Variants in HDAC4 observed in about 807,000 individuals in gnomAD.
HDAC4 encodes the protein histone deacetylase A.
A neutral mutation model predicts 135.1 loss-of-function variants in HDAC4; 16 were observed. That is an observed-to-expected ratio of 0.12 (90% CI 0.08 to 0.18). The LOEUF is 0.18. HDAC4 is among the 10% of genes least tolerant of loss of function. The pLI is 1.00. For synonymous variants in HDAC4, 685 were observed against 653.4 expected, an observed-to-expected ratio of 1.05 and a Z score of -0.74; for missense variants, 1,143 against 1,511.8, an observed-to-expected ratio of 0.76 and a Z score of 4.05.
intron 1 of HDAC4, among the ~76,000 whole-genome samples, chr2:239,396,399 T>G (rs745818192): frequency 6.6e-6 from 1 of 152,178 alleles, no homozygotes; most frequent in Non-Finnish European, 1.5e-5. Context: ...TTCCATACAT[T>G]AACTTAAACT....
At chr2:239,129,952 G>C (rs1025057800) in intron 11 of HDAC4, among the ~76,000 whole-genome samples, 3 of 152,176 alleles carry the variant, frequency 2.0e-5, no homozygotes, top group African/African-American at 7.2e-5. Flanking sequence ...CTCAAGTTCC[G>C]GACCCAGTTT....
At chr2:239,316,267 T>C (rs1185295638) in intron 2 of HDAC4, among the ~76,000 whole-genome samples, 2 of 152,154 alleles carry the variant, frequency 1.3e-5, no homozygotes, top group African/African-American at 4.8e-5. Context: ...AATCTACTTA[T>C]CTTTTGATAG....
Position 239,108,286 on chromosome 2 carries a change from G to T in HDAC4, c.1979-103C>A, listed in dbSNP as rs1471258650. ...TGGTGGCGGAACCACCACTTCCCTA[G>T]AAGGAGACGGAAGCTGGGACGGTTC... On this transcript the variant is annotated intron_variant, in intron 14 of 26. Transcript: ENST00000543185. 14 of 1,345,662 alleles carry T rather than the reference G, an allele frequency of 1.0e-5. No individual in the cohort carries two copies. The African/African-American group carries it at 1.6e-4, about 15-fold the overall frequency. 83.4% of individuals were successfully genotyped at this position (1,345,662 alleles called of 1,614,324 possible).
rs568575013 is a variant in HDAC4, at chr2:239,210,671, T to A, written c.95-20594A>T. On this transcript the variant is annotated intron_variant, in intron 3 of 26. Coordinates refer to ENST00000543185, the MANE Select transcript of HDAC4 (RefSeq NM_001378414.1). ...CGCTTGTGACACAAGGTCCCCTTTA[T>A]ATTATCATAATAAAGGAGGAAACGC... 6.9e-4 allele frequency among the ~76,000 whole-genome samples: 105 copies of A among 152,324 alleles called. 1 individual carries two copies. Among genetic ancestry groups the A allele is most frequent in the Non-Finnish European group, 9.0e-4 (61 of 68,042 alleles).
intron 9 of HDAC4, among the ~76,000 whole-genome samples, chr2:239,136,464 G>A (rs74003704): frequency 0.016 from 2,469 of 152,216 alleles, 41 homozygotes; most frequent in African/African-American, 0.043. Flanking sequence ...AGGTTGATTC[G>A]ACCTCTTGGC....
chr2:239,145,106 T>C (rs2041664377), intron 7 of HDAC4, among the ~76,000 whole-genome samples: 1 of 152,190 alleles, frequency 6.6e-6, no homozygotes, highest in Non-Finnish European at 1.5e-5. Flanking sequence ...AATGCTCTTC[T>C]AGATAATACA....
intron 2 of HDAC4, among the ~76,000 whole-genome samples, chr2:239,325,206 C>G (rs1273410784): frequency 6.6e-6 from 1 of 152,166 alleles, no homozygotes; most frequent in East Asian, 1.9e-4. Flanking sequence ...GATATGACAT[C>G]AAAGGCCAAG....
chr2:239,264,825 G>A (rs1391869993), intron 2 of HDAC4, among the ~76,000 whole-genome samples: 1 of 152,198 alleles, frequency 6.6e-6, no homozygotes, highest in Non-Finnish European at 1.5e-5. Flanking sequence ...CTGCCCCGTC[G>A]GAGGGTCCTG....
rs2152882940 is a variant in HDAC4 at position 239,134,595 on chromosome 2, G to A, written c.1027C>T (p.Leu343Phe). ...AAGGATGGCGATGTGTAGAGGGGAAGTGGAGCGGCCGAGCCTTCTCGTGCC... is the reference window on the plus strand; with the variant it reads ...AAGGATGGCGATGTGTAGAGGGGAAATGGAGCGGCCGAGCCTTCTCGTGCC... The part of the protein sequence containing the change: ...LVAREGSAAP[L>F]PLYTSPSLPN... Residue 343 changes from leucine (L) to phenylalanine (F), a missense_variant, in exon 10 of 27, where the codon CTT becomes TTT. This residue lies in a region of HDAC4 where 272 missense variants were observed against 309.7 expected (regional missense o/e 0.88). Coordinates refer to ENST00000543185, the MANE Select transcript of HDAC4 (RefSeq NM_001378414.1). 6.2e-7 allele frequency: 1 copy of A among 1,614,174 alleles called. No individual in the cohort carries two copies. Among genetic ancestry groups the A allele is most frequent in the Non-Finnish European group, 8.5e-7 (1 of 1,180,026 alleles).
chr2:239,225,645 G>A lies in HDAC4; in HGVS notation c.94+10948C>T, dbSNP rs188013710. Among the ~76,000 whole-genome samples, 4 of 152,316 alleles carry A rather than the reference G, an allele frequency of 2.6e-5. No individual in the cohort carries two copies. In the East Asian group the frequency reaches 5.8e-4, roughly 22 times the overall value. ...GGCAGGCCCGCCCAGGAAGGCCCAC[G>A]CAGGGCTGGGTGCTGTAGAACTGAA... On this transcript the variant is annotated intron_variant, in intron 3 of 26. Coordinates refer to ENST00000543185, the MANE Select transcript of HDAC4 (RefSeq NM_001378414.1).
intron 4 of HDAC4, among the ~76,000 whole-genome samples, chr2:239,183,248 G>A (rs1167957455): frequency 2.0e-5 from 3 of 152,244 alleles, no homozygotes; most frequent in African/African-American, 7.2e-5. Flanking sequence ...TAGCTGCTTT[G>A]ACTCTGACTT....
At chr2:239,126,721 C>A in intron 11 of HDAC4, 27 bp from the exon 12 acceptor site, 1 of 1,609,326 alleles carries the variant, frequency 6.2e-7, no homozygotes, top group Admixed American at 1.7e-5. Flanking sequence ...GAAGAAACAG[C>A]AGAGGGGAAG....
intron 6 of HDAC4, among the ~76,000 whole-genome samples, chr2:239,163,314 T>C (rs1466674489): frequency 6.6e-6 from 1 of 152,200 alleles, no homozygotes; most frequent in African/African-American, 2.4e-5. Flanking sequence ...TTTAAGTGGC[T>C]CTTATTGTGG....
chr2:239,376,799 G>T (rs975670773), intron 1 of HDAC4, among the ~76,000 whole-genome samples: 1 of 151,890 alleles, frequency 6.6e-6, no homozygotes, highest in African/African-American at 2.4e-5. Flanking sequence ...CAGGCATACG[G>T]CTGGGAGGCA....
rs61735638 is a variant in HDAC4 at position 239,115,176 on chromosome 2, G to A, written c.1668C>T (p.His556=). ...LDRLPGQKEA[H]AQAGVQVKQE... is the part of the protein sequence containing the mutation. ...GCTTCACCTGCACGCCGGCCTGTGC[G>A]TGCGCCTCCTTCTGCCCCGGCAGCC... The change falls in exon 13 of 27, where the codon CAC becomes CAT. Residue 556 remains histidine, a synonymous_variant. Transcript: ENST00000543185. The surrounding 1 kb of genome is among the most constrained non-coding windows in gnomAD (Gnocchi z 6.3). 1.4e-3 allele frequency: 2,282 copies of A among 1,611,080 alleles called. 25 individuals carry two copies. The African/African-American group carries it at 0.026, about 18-fold the overall frequency.
intron 1 of HDAC4, among the ~76,000 whole-genome samples, chr2:239,399,887 G>C (rs1211216563): frequency 1.3e-5 from 2 of 152,326 alleles, no homozygotes; most frequent in Non-Finnish European, 2.9e-5. Context: ...CTGTGTCACA[G>C]CAGGTCAATT....
chr2:239,179,485 T>C (rs1249266312), intron 4 of HDAC4, among the ~76,000 whole-genome samples: 1 of 152,160 alleles, frequency 6.6e-6, no homozygotes, highest in Non-Finnish European at 1.5e-5. Flanking sequence ...ATGGTCCTTA[T>C]GAGAATCTAA....
chr2:239,115,646 G>A lies in HDAC4; in HGVS notation c.1534-336C>T, dbSNP rs2039061255. 6.6e-6 allele frequency among the ~76,000 whole-genome samples: 1 copy of A among 152,052 alleles called. No homozygotes were observed. Among genetic ancestry groups the A allele is most frequent in the Non-Finnish European group, 1.5e-5 (1 of 68,006 alleles). On this transcript the variant is annotated intron_variant, in intron 12 of 26. Coordinates refer to ENST00000543185, the MANE Select transcript of HDAC4 (RefSeq NM_001378414.1). The surrounding 1 kb of genome is among the most constrained non-coding windows in gnomAD (Gnocchi z 6.3). The stretch of plus-strand genomic sequence containing the variant: ...GAAGCTGCAGGTGTCAACAGAGTCT[G>A]CAGAGGAGAGCTTGAGTGTGAAGGG...
chr2:239,139,994 T>C lies in HDAC4; in HGVS notation c.866-198A>G, dbSNP rs1322802182. On this transcript the variant is annotated intron_variant, in intron 8 of 26. Coordinates refer to ENST00000543185, the MANE Select transcript of HDAC4 (RefSeq NM_001378414.1). This position sits in a 1 kb window ranked among gnomAD's most constrained non-coding sequence, Gnocchi z 5.3. Reference sequence around the variant, plus strand: ...ATTTCTGATTTTCCAGTTTTGCCACTGACTTCACTTTTTCTAGGACATGTA... The same window carrying C: ...ATTTCTGATTTTCCAGTTTTGCCACCGACTTCACTTTTTCTAGGACATGTA... Among the ~76,000 whole-genome samples the C allele has an allele frequency of 6.6e-6, 1 of 152,258 alleles. No homozygotes were observed. The highest frequency in any genetic ancestry group is 2.4e-5 in the African/African-American group (1 of 41,472).
Sources: gnomAD v4.1 joint callset for allele counts (sites outside exome capture counted in the v4.1 genomes callset) on GRCh38, gnomAD v4.1.1 for gene constraint, gnomAD v4.1.1 regional missense constraint, Gnocchi (gnomAD v3.1) non-coding constraint, MANE v1.5 for transcripts, NCBI Gene and HGNC (gene_info 2026-07-23, HGNC 2026-07-21) for gene names.